EIF4G3: variants seen among roughly 807,000 people sequenced by gnomAD.
The protein encoded by EIF4G3 is eIF-4-gamma 3.
EIF4G3 carries 34 observed loss-of-function variants against 186.4 expected under a neutral mutation model. The ratio of observed to expected loss-of-function variants is 0.18; its 90% CI spans 0.14 to 0.24. The LOEUF (loss-of-function observed/expected upper bound fraction) is 0.24, where lower values mean the gene tolerates loss of function less well. Ranked by LOEUF, EIF4G3 falls within the 10% of genes least tolerant of loss-of-function variation. EIF4G3 has a pLI of 1.00. For missense variants in EIF4G3, 1,536 were observed against 1,948.5 expected, an observed-to-expected ratio of 0.79 and a Z score of 3.99; for synonymous variants, 673 against 679.5, an observed-to-expected ratio of 0.99 and a Z score of 0.15.
At chr1:20,841,352 TGTTTA>T (rs769127552) in intron 29 of EIF4G3, 13 of 168,666 alleles carry the variant, frequency 7.7e-5, no homozygotes, top group Non-Finnish European at 1.5e-4. Context: ...AAAGCTAACA[TGTTTA>T]GTTTAACAAT....
rs772403044 is a variant in EIF4G3, at chr1:20,879,398, G to A, written c.2547C>T (p.Asp849=). 3 of 1,603,880 alleles carry A rather than the reference G, an allele frequency of 1.9e-6. No homozygotes were observed. The highest frequency in any genetic ancestry group is 1.7e-5 in the Admixed American group (1 of 58,812). Residue 849 remains aspartate, a synonymous_variant, in exon 20 of 37, where the codon GAC becomes GAT. Coordinates refer to ENST00000602326, the MANE Select transcript of EIF4G3 (RefSeq NM_001391906.1). ...DTEERLKGVI[D]LVFEKAIDEP... is the part of the protein sequence containing the mutation. ...CATCAATAGCCTTCTCAAAGACCAG[G>A]TCAATAACTCCTTTCAGCCGCTCCT...
intron 3 of EIF4G3, among the ~76,000 whole-genome samples, chr1:21,056,532 G>A (rs2094569033): frequency 6.6e-6 from 1 of 151,988 alleles, no homozygotes; most frequent in Non-Finnish European, 1.5e-5. Context: ...CCAAAGAAAT[G>A]GCACAAAGGC....
chr1:20,978,331 A>G (rs1448860406), intron 10 of EIF4G3, among the ~76,000 whole-genome samples: 1 of 152,202 alleles, frequency 6.6e-6, no homozygotes, highest in African/African-American at 2.4e-5. Context: ...TATATGTAAC[A>G]CATTATTGTT....
At chr1:20,917,956 G>A (rs892551649) in intron 14 of EIF4G3, among the ~76,000 whole-genome samples, 5 of 152,032 alleles carry the variant, frequency 3.3e-5, no homozygotes, top group Admixed American at 3.3e-4. Context: ...CGTTTACAAA[G>A]GTAAATATAT....
At chr1:20,886,632 G>C (rs2084247297) in intron 18 of EIF4G3, among the ~76,000 whole-genome samples, 2 of 152,124 alleles carry the variant, frequency 1.3e-5, no homozygotes, top group African/African-American at 2.4e-5. Context: ...CTTCTAATGA[G>C]AAAGACTAGT....
intron 7 of EIF4G3, among the ~76,000 whole-genome samples, chr1:20,984,577 C>G (rs1261322281): frequency 6.8e-6 from 1 of 147,180 alleles, no homozygotes; most frequent in African/African-American, 2.5e-5. Flanking sequence ...CACACACACA[C>G]ACACACATAT....
intron 34 of EIF4G3, among the ~76,000 whole-genome samples, chr1:20,814,672 A>G (rs1465971580): frequency 6.6e-6 from 1 of 151,626 alleles, no homozygotes; most frequent in Non-Finnish European, 1.5e-5. Flanking sequence ...TTAAGTGGTG[A>G]GAAAAATGTT....
chr1:21,077,351 G>C (rs1314617584), intron 3 of EIF4G3, among the ~76,000 whole-genome samples: 1 of 151,180 alleles, frequency 6.6e-6, no homozygotes, highest in Non-Finnish European at 1.5e-5. Context: ...CAGTGAGTCA[G>C]GATTGCACCA....
chr1:21,144,967 T>A (rs925334745), intron 2 of EIF4G3, among the ~76,000 whole-genome samples: 4 of 152,172 alleles, frequency 2.6e-5, no homozygotes, highest in Non-Finnish European at 5.9e-5. Context: ...TGTTTTCTGC[T>A]AGCTAGAGTA....
At chr1:21,048,450 T>C (rs1252468408) in intron 4 of EIF4G3, among the ~76,000 whole-genome samples, 3 of 152,232 alleles carry the variant, frequency 2.0e-5, no homozygotes, top group Admixed American at 6.5e-5. Context: ...GAAAGGGTTT[T>C]GCTCCCTGGT....
At chr1:20,887,660 A>T (rs540859061) in intron 18 of EIF4G3, among the ~76,000 whole-genome samples, 4 of 152,068 alleles carry the variant, frequency 2.6e-5, no homozygotes, top group African/African-American at 9.7e-5. Flanking sequence ...TTAAAAAAAA[A>T]AAACAAACAG....
intron 20 of EIF4G3, among the ~76,000 whole-genome samples, chr1:20,866,331 C>A (rs146285863): frequency 3.2e-4 from 48 of 152,306 alleles, no homozygotes; most frequent in African/African-American, 1.0e-3. Flanking sequence ...ACTGATGGCA[C>A]ACTCTCCAAT....
At chr1:20,968,513 C>T (rs1031200964) in intron 12 of EIF4G3, among the ~76,000 whole-genome samples, 6 of 152,078 alleles carry the variant, frequency 3.9e-5, no homozygotes, top group Admixed American at 2.6e-4. Flanking sequence ...TTTGCGGAAT[C>T]TAATCTCTAT....
At chr1:21,069,262 A>G (rs2095367673) in intron 3 of EIF4G3, among the ~76,000 whole-genome samples, 2 of 152,168 alleles carry the variant, frequency 1.3e-5, no homozygotes, top group East Asian at 3.8e-4. Flanking sequence ...CTGTTTAACC[A>G]TGCTTCACTC....
intron 31 of EIF4G3, among the ~76,000 whole-genome samples, chr1:20,828,861 T>C (rs1199505511): frequency 3.3e-5 from 5 of 152,192 alleles, no homozygotes; most frequent in Non-Finnish European, 7.3e-5. Flanking sequence ...CAGATGAACA[T>C]TAAGCTTCTA....
At chr1:20,978,914 A>G (rs2077415412) in intron 10 of EIF4G3, among the ~76,000 whole-genome samples, 1 of 152,144 alleles carries the variant, frequency 6.6e-6, no homozygotes, top group Non-Finnish European at 1.5e-5. Context: ...CAAAACTGAA[A>G]AAAAAAAACC....
intron 13 of EIF4G3, among the ~76,000 whole-genome samples, chr1:20,943,977 TGTGTGTGTG>T (rs2095831635): frequency 8.6e-5 from 3 of 34,868 alleles, no homozygotes; most frequent in African/African-American, 2.8e-4. Context: ...ATTTTTTTTG[TGTGTGTGTG>T]TGTGTGTGTG....
At chr1:20,951,001 T>C (rs1009863668) in intron 12 of EIF4G3, among the ~76,000 whole-genome samples, 4 of 152,102 alleles carry the variant, frequency 2.6e-5, no homozygotes, top group Non-Finnish European at 4.4e-5. Flanking sequence ...TTGGTATCTA[T>C]AATATCCTAC....
At chr1:20,937,933 T>C (rs2095570762) in intron 14 of EIF4G3, among the ~76,000 whole-genome samples, 1 of 152,184 alleles carries the variant, frequency 6.6e-6, no homozygotes, top group Admixed American at 6.5e-5. Context: ...CAGAGTACAC[T>C]GAAGATATAT....
Sources: gnomAD v4.1 joint callset for allele counts (sites outside exome capture counted in the v4.1 genomes callset) on GRCh38, gnomAD v4.1.1 for gene constraint, MANE v1.5 for transcripts, NCBI Gene and HGNC (gene_info 2026-07-23, HGNC 2026-07-21) for gene names.